The following SLC13A2 variants were observed in gnomAD, a reference collection of about 807,000 sequenced individuals.
The protein encoded by SLC13A2 is Na(+)-coupled citrate transporter.
In SLC13A2, 40 loss-of-function variants were observed where a neutral mutation model predicts 58.5. That is an observed-to-expected ratio of 0.68 (90% CI 0.53 to 0.89). The LOEUF (loss-of-function observed/expected upper bound fraction) is 0.89. SLC13A2 is among the 40% of genes least tolerant of loss of function. The pLI is 0.00. For missense variants in SLC13A2, 694 were observed against 772.6 expected (o/e 0.90, Z 1.21); for synonymous variants, 341 against 331.6 (o/e 1.03, Z -0.31).
Position 28,483,765 on chromosome 17 carries a change from T to C in SLC13A2, c.103-5449T>C, listed in dbSNP as rs566319769. On this transcript the variant is annotated intron_variant, in intron 1 of 11. Coordinates refer to ENST00000314669, the MANE Select transcript of SLC13A2 (RefSeq NM_003984.4). The stretch of plus-strand genomic sequence containing the variant: ...AGATGAGGAAACTGCATAATGGAGA[T>C]AAATGTGTTTACAGCAGCGAATGCT... Among the ~76,000 whole-genome samples the C allele has an allele frequency of 5.2e-4, 79 of 152,346 alleles. 2 individuals carry two copies. The highest frequency in any genetic ancestry group is 2.3e-3 in the South Asian group (11 of 4,828).
Position 28,494,777 on chromosome 17 carries a change from G to A in SLC13A2, c.1308+265G>A, listed in dbSNP as rs1236546259. ...CTCTGGTGGGCAGAGCCTGTTCTCA[G>A]AGACAAATGCCATCCCACCCCAGCC... On this transcript the variant is annotated intron_variant, in intron 9 of 11. Transcript: ENST00000314669. The surrounding 1 kb of genome is among the most constrained non-coding windows in gnomAD (Gnocchi z 4.0). 6.6e-6 allele frequency among the ~76,000 whole-genome samples: 1 copy of A among 152,100 alleles called. No individual in the cohort carries two copies. The highest frequency in any genetic ancestry group is 2.4e-5 in the African/African-American group (1 of 41,418).
chr17:28,477,430 G>C (rs754516734), intron 1 of SLC13A2, among the ~76,000 whole-genome samples: 129 of 151,754 alleles, frequency 8.5e-4, no homozygotes, highest in Admixed American at 1.9e-3. Flanking sequence ...TCCTGACCTC[G>C]TGATCCGCCC....
At chr17:28,483,024 T>G (rs1385704065) in intron 1 of SLC13A2, among the ~76,000 whole-genome samples, 2 of 152,206 alleles carry the variant, frequency 1.3e-5, no homozygotes, top group Non-Finnish European at 2.9e-5. Flanking sequence ...GTGTCCCCCA[T>G]GTGCCAGCCT....
rs1418617275 is a variant in SLC13A2 at position 28,495,659 on chromosome 17, C to T, written c.1313C>T (p.Ser438Leu). ...GYALAKGSER[S>L]GLSEWLGNKL... is the part of the protein sequence containing the mutation. ...GCCATCCTCCTCTGCCCACAGCGATCGGGCCTGTCAGAGTGGCTGGGAAAC... is the reference window on the plus strand; with the variant it reads ...GCCATCCTCCTCTGCCCACAGCGATTGGGCCTGTCAGAGTGGCTGGGAAAC... Residue 438 changes from serine (S) to leucine (L), a missense_variant, in exon 10 of 12, where the codon TCG (serine) becomes TTG (leucine). Coordinates refer to ENST00000314669, the MANE Select transcript of SLC13A2 (RefSeq NM_003984.4). 5.6e-6 allele frequency: 9 copies of T among 1,609,508 alleles called. No individual in the cohort carries two copies. The highest frequency in any genetic ancestry group is 1.7e-5 in the Admixed American group (1 of 59,990).
chr17:28,492,648 G>C (rs1458025509), intron 6 of SLC13A2, among the ~76,000 whole-genome samples: 1 of 152,248 alleles, frequency 6.6e-6, no homozygotes, highest in Non-Finnish European at 1.5e-5. Context: ...ATGAAGCCAA[G>C]AGTAATAAAT....
rs1477964042 is a variant in SLC13A2, at chr17:28,496,334, G to C, written c.1471-116G>C. 1.5e-6 allele frequency: 2 copies of C among 1,346,132 alleles called. No individual in the cohort carries two copies. The highest frequency in any genetic ancestry group is 5.0e-5 in the Admixed American group (2 of 40,108). The allele number at this position is 1,346,132 out of a possible 1,614,324, so 83.4% of individuals were successfully genotyped here. ...GGGAGAAGAGGTGGGCTCATGACCA[G>C]AGAGTGTATTAGGGTACAGGGGTTG... On this transcript the variant is annotated intron_variant, in intron 10 of 11. Transcript: ENST00000314669. This position sits in a 1 kb window ranked among gnomAD's most constrained non-coding sequence, Gnocchi z 4.2.
chr17:28,493,932 G>T (rs1555604109), intron 7 of SLC13A2, 85 bp from the exon 8 acceptor site: 1 of 1,490,106 alleles, frequency 6.7e-7, no homozygotes, highest in Non-Finnish European at 9.3e-7. Context: ...TATGGGAGAG[G>T]CTCATCTCCA....
chr17:28,490,157 C>A (rs2068974903), intron 2 of SLC13A2: 1 of 706,490 alleles, frequency 1.4e-6, no homozygotes. Context: ...GCCTGTAGTC[C>A]CAGCTACTTG....
At chr17:28,486,128 A>G (rs1555601928) in intron 1 of SLC13A2, among the ~76,000 whole-genome samples, 1 of 152,220 alleles carries the variant, frequency 6.6e-6, no homozygotes, top group Non-Finnish European at 1.5e-5. Flanking sequence ...TCAGAAATAG[A>G]TGTACTTCCT....
At chr17:28,491,689 C>T (rs1555603492) in intron 5 of SLC13A2, 41 bp from the exon 6 acceptor site, 14 of 1,610,876 alleles carry the variant, frequency 8.7e-6, no homozygotes, top group Non-Finnish European at 1.1e-5. Context: ...CTGGGCAGTT[C>T]TCGGGGCAAT....
chr17:28,473,923 GCCCT>G, intron 1 of SLC13A2, 109 bp downstream of exon 1: 4 of 880,328 alleles, frequency 4.5e-6, no homozygotes, highest in Non-Finnish European at 7.1e-6. Context: ...CACTGCCCCT[GCCCT>G]GGAAGTGAGG....
Position 28,494,619 on chromosome 17 carries a change from A to C in SLC13A2, c.1308+107A>C, listed in dbSNP as rs1015368520. 14 of 1,510,160 alleles carry C rather than the reference A, an allele frequency of 9.3e-6. No homozygotes were observed. The highest frequency in any genetic ancestry group is 9.1e-5 in the East Asian group (4 of 43,888). The allele number at this position is 1,510,160 out of a possible 1,614,324, so 93.5% of individuals were successfully genotyped here. ...CAGAGGGGAGACCTGGTCCCCACGT[A>C]GGAGCCTCTCGGGTAGGCAGAGCCT... On this transcript the variant is annotated intron_variant, in intron 9 of 11. Transcript: ENST00000314669. This position sits in a 1 kb window ranked among gnomAD's most constrained non-coding sequence, Gnocchi z 4.0.
At position 28,497,330 on chromosome 17, in the gene SLC13A2, G is replaced by T. The variant is rs549357606; in HGVS notation, c.*61G>T. ...ACCCCATTCCCACTCCTCTGAGCCCGGAGGGGACACCCCAAGCTCCAAGCT... is the reference window on the plus strand; with the variant it reads ...ACCCCATTCCCACTCCTCTGAGCCCTGAGGGGACACCCCAAGCTCCAAGCT... On this transcript the variant is annotated 3_prime_UTR_variant, in exon 12 of 12. Transcript: ENST00000314669. 8 of 1,546,980 alleles carry T rather than the reference G, an allele frequency of 5.2e-6. No individual in the cohort carries two copies. In the African/African-American group the frequency reaches 5.5e-5, roughly 11 times the overall value.
At chr17:28,486,657 C>G (rs1025910440) in intron 1 of SLC13A2, among the ~76,000 whole-genome samples, 4 of 152,096 alleles carry the variant, frequency 2.6e-5, no homozygotes, top group Admixed American at 2.0e-4. Context: ...GAGAGGCCCC[C>G]TGGGTCAGGT....
intron 3 of SLC13A2, 38 bp downstream of exon 3, chr17:28,490,628 C>T (rs369159588): frequency 2.3e-5 from 37 of 1,587,596 alleles, no homozygotes; most frequent in Non-Finnish European, 2.8e-5. Flanking sequence ...GAGAACCTGA[C>T]GAGGAGATAT....
rs555619849 is a variant in SLC13A2 at position 28,477,380 on chromosome 17, G to C, written c.102+3566G>C. On this transcript the variant is annotated intron_variant, in intron 1 of 11. Coordinates refer to ENST00000314669, the MANE Select transcript of SLC13A2 (RefSeq NM_003984.4). ...GGCTAATTTTTTTGTATTTTTAGTAGAGACGGGGTTTCACCGTGTTAGCCA... is the reference window on the plus strand; with the variant it reads ...GGCTAATTTTTTTGTATTTTTAGTACAGACGGGGTTTCACCGTGTTAGCCA... 7.3e-4 allele frequency among the ~76,000 whole-genome samples: 111 copies of C among 151,528 alleles called. 2 individuals are homozygous for C. The South Asian group carries it at 0.022, about 30-fold the overall frequency.
intron 1 of SLC13A2, among the ~76,000 whole-genome samples, chr17:28,475,478 AAT>A (rs782448490): frequency 3.3e-5 from 5 of 152,186 alleles, no homozygotes; most frequent in African/African-American, 4.8e-5. Context: ...GAGGTGCTGT[AAT>A]ATCTCTCATC....
At position 28,473,683 on chromosome 17, in the gene SLC13A2, T is replaced by C; in HGVS notation, c.-30T>C. On this transcript the variant is annotated 5_prime_UTR_variant, in exon 1 of 12. Transcript: ENST00000314669. ...TCTGTTACCCAGCTCCTGGAGGCAG[T>C]GGCTGTAGCAGCCCTTGCTGCTCCA... is the stretch of plus-strand genomic sequence containing the variant. The C allele has an allele frequency of 6.4e-7, 1 of 1,556,158 alleles. No homozygotes were observed. Among genetic ancestry groups the C allele is most frequent in the South Asian group, 1.1e-5 (1 of 89,388 alleles).
In SLC13A2 at chr17:28,493,589, C is replaced by T; in HGVS notation, c.897C>T (p.Gly299=). The change falls in exon 7 of 12, where the codon GGC becomes GGT. Residue 299 remains glycine, a synonymous_variant. Coordinates refer to ENST00000314669, the MANE Select transcript of SLC13A2 (RefSeq NM_003984.4). ...FLGFNFRKNF[G]IGEKMQEQQQ... is the part of the protein sequence containing the mutation. ...CCTGCAGCTTCCGGAAGAACTTTGG[C>T]ATTGGGGAAAAGATGCAGGAGCAAC... The T allele has an allele frequency of 6.2e-7, 1 of 1,605,614 alleles. No homozygotes were observed. Among genetic ancestry groups the T allele is most frequent in the Non-Finnish European group, 8.5e-7 (1 of 1,173,356 alleles).
Sources: gnomAD v4.1 joint callset for allele counts (sites outside exome capture counted in the v4.1 genomes callset) on GRCh38, gnomAD v4.1.1 for gene constraint, Gnocchi (gnomAD v3.1) non-coding constraint, MANE v1.5 for transcripts, NCBI Gene and HGNC (gene_info 2026-07-23, HGNC 2026-07-21) for gene names.